The following DDX42 variants were observed in gnomAD, a reference collection of about 807,000 sequenced individuals.
The protein encoded by DDX42 is DEAD-box helicase 42, also known as ATP-dependent RNA helicase DDX42.
Under a neutral mutation model 101.5 loss-of-function variants are expected in DDX42, and 22 were observed. The ratio of observed to expected loss-of-function variants is 0.22; its 90% CI spans 0.15 to 0.31. The LOEUF is 0.31. DDX42 is among the 10% of genes least tolerant of loss of function. DDX42 has a pLI of 1.00. For missense variants in DDX42, 849 were observed against 1,199.9 expected (o/e 0.71, Z 4.32); for synonymous variants, 402 against 401.2 (o/e 1.00, Z -0.02).
Position 63,818,127 on chromosome 17 carries a change from G to A in DDX42, c.2546G>A (p.Ser849Asn). ...GGAGATGGATACCGCCATCCAGAAAGCAGCAGCCGTCATACTGATGGCCAT... is the reference window on the plus strand; with the variant it reads ...GGAGATGGATACCGCCATCCAGAAAACAGCAGCCGTCATACTGATGGCCAT... ...RHGDGYRHPE[S>N]SSRHTDGHRH... Residue 849 changes from serine (S) to asparagine (N), a missense_variant, in exon 18 of 18, where the codon AGC becomes AAC. Physicochemically the swap from Ser to Asn is conservative, Grantham distance 46 (BLOSUM62 1). Around this residue, in one of 5 missense-constraint regions of DDX42, gnomAD observed 300 missense variants for 304.9 expected, o/e 0.98. Coordinates refer to ENST00000389924, the MANE Select transcript of DDX42 (RefSeq NM_203499.3). 1.2e-6 allele frequency: 2 copies of A among 1,614,016 alleles called. No individual in the cohort carries two copies. Among genetic ancestry groups the A allele is most frequent in the Non-Finnish European group, 1.7e-6 (2 of 1,180,016 alleles).
chr17:63,777,932 C>T (rs73992389), intron 1 of DDX42, among the ~76,000 whole-genome samples: 6,367 of 152,138 alleles, frequency 0.042, 468 homozygotes, highest in African/African-American at 0.15. Flanking sequence ...AAACTGAGTA[C>T]GTGTGGAGAG....
intron 17 of DDX42, chr17:63,817,232 T>C (rs1354596767): frequency 4.7e-6 from 2 of 421,106 alleles, no homozygotes; most frequent in Admixed American, 4.1e-5. Flanking sequence ...TTCCCTCCCT[T>C]CCCAACAGCC....
At position 63,810,446 on chromosome 17, in the gene DDX42, T is replaced by G. The variant is rs539230019; in HGVS notation, c.1253-67T>G. ...CTTCTTATGAAGACTTTTACTAATA[T>G]GGCTTTTTCCAGGCTTCCCAAACTG... On this transcript the variant is annotated intron_variant, in intron 11 of 17. Coordinates refer to ENST00000389924, the MANE Select transcript of DDX42 (RefSeq NM_203499.3). 6 of 1,535,962 alleles carry G rather than the reference T, an allele frequency of 3.9e-6. No homozygotes were observed. The African/African-American group carries it at 5.5e-5, about 14-fold the overall frequency.
chr17:63,811,612 T>A, intron 13 of DDX42: 1 of 475,400 alleles, frequency 2.1e-6, no homozygotes, highest in Admixed American at 3.4e-5. Flanking sequence ...ATATGCGCTA[T>A]GTGAAAAATT....
intron 1 of DDX42, among the ~76,000 whole-genome samples, chr17:63,782,286 A>G (rs1057104923): frequency 6.6e-5 from 10 of 152,164 alleles, no homozygotes; most frequent in African/African-American, 2.4e-4. Flanking sequence ...CTTGGGGAGA[A>G]AAGAAAGAAT....
chr17:63,779,661 C>A (rs1181145535), intron 1 of DDX42, among the ~76,000 whole-genome samples: 1 of 152,138 alleles, frequency 6.6e-6, no homozygotes, highest in African/African-American at 2.4e-5. Context: ...AACAATAACA[C>A]CCTATTCTCC....
rs148993594 is a variant in DDX42, at chr17:63,817,978, G to C, written c.2397G>C (p.Gly799=). Residue 799 remains glycine, a synonymous_variant, in exon 18 of 18, where the codon GGG becomes GGC. Coordinates refer to ENST00000389924, the MANE Select transcript of DDX42 (RefSeq NM_203499.3). ...NTASGNNSRE[G]TGGSNGKRER... is the part of the protein sequence containing the mutation. The stretch of plus-strand genomic sequence containing the variant: ...CTTCAGGGAATAACAGCCGAGAAGG[G>C]ACTGGGGGCAGCAACGGGAAAAGAG... 2 of 1,614,198 alleles carry C rather than the reference G, an allele frequency of 1.2e-6. No homozygotes were observed. Among genetic ancestry groups the C allele is most frequent in the African/African-American group, 2.7e-5 (2 of 75,050 alleles).
intron 2 of DDX42, among the ~76,000 whole-genome samples, chr17:63,789,571 G>GTTT (rs538515067): frequency 2.2e-5 from 1 of 45,666 alleles, no homozygotes; most frequent in Admixed American, 2.3e-4. Flanking sequence ...TTTTGTTTTT[G>GTTT]TTTTTTTTTT....
At chr17:63,793,605 T>G (rs146924186) in intron 3 of DDX42, among the ~76,000 whole-genome samples, 4 of 152,152 alleles carry the variant, frequency 2.6e-5, no homozygotes, top group Admixed American at 2.6e-4. Context: ...CTCAGACATA[T>G]AATTTTATCC....
chr17:63,811,833 A>T lies in DDX42; in HGVS notation c.1399-99A>T. 2.0e-6 allele frequency: 3 copies of T among 1,488,750 alleles called. No homozygotes were observed. The South Asian group carries it at 3.6e-5, about 18-fold the overall frequency. The allele number at this position is 1,488,750 out of a possible 1,614,324, so 92.2% of individuals were successfully genotyped here. On this transcript the variant is annotated intron_variant, in intron 13 of 17. Transcript: ENST00000389924. Reference sequence around the variant, plus strand: ...GCCCAAGGAGAACTGGGATTGTTCAAGGTCTTCTCGATGCAGGTAGAAATA... The same window carrying T: ...GCCCAAGGAGAACTGGGATTGTTCATGGTCTTCTCGATGCAGGTAGAAATA...
rs2039454945 is a variant in DDX42 at position 63,778,998 on chromosome 17, TAAC to T, written c.-17+4625_-17+4627del. 2.0e-5 allele frequency among the ~76,000 whole-genome samples: 3 copies of T among 152,144 alleles called. No individual in the cohort carries two copies. The East Asian group carries it at 5.8e-4, about 29-fold the overall frequency. Reference sequence around the variant, plus strand: ...GATGTCCCTCATAGTACTGGGCACATAACAAAATCATCAGTGGTTATTGGTCAG... The same window carrying T: ...GATGTCCCTCATAGTACTGGGCACATAAAATCATCAGTGGTTATTGGTCAG... On this transcript the variant is annotated intron_variant, in intron 1 of 17. Transcript: ENST00000389924.
intron 16 of DDX42, chr17:63,816,656 T>C (rs536371540): frequency 4.8e-6 from 2 of 418,278 alleles, no homozygotes; most frequent in South Asian, 9.4e-5. Flanking sequence ...TTTAATAGGG[T>C]TAATTTCCAG....
At chr17:63,783,603 TG>T (rs1271460413) in intron 1 of DDX42, among the ~76,000 whole-genome samples, 2 of 152,310 alleles carry the variant, frequency 1.3e-5, no homozygotes, top group African/African-American at 4.8e-5. Flanking sequence ...AATCCCCTTA[TG>T]GGATTCCGAA....
In DDX42 at chr17:63,814,675, C is replaced by CTTTTTTTTT. The variant is rs58211962; in HGVS notation, c.1903-873_1903-865dup. On this transcript the variant is annotated intron_variant, in intron 15 of 17. Transcript: ENST00000389924. ...ACTTTAACCTTCCCAGAGACATTTGCTTTTTTTTTTTTTTTTTTTTTTTCT... is the reference window on the plus strand; with the variant it reads ...ACTTTAACCTTCCCAGAGACATTTGCTTTTTTTTTTTTTTTTTTTTTTTTTTTTTTTTCT... Among the ~76,000 whole-genome samples, 140 of 90,462 alleles carry CTTTTTTTTT rather than the reference C, an allele frequency of 1.5e-3. 1 individual carries two copies. Among genetic ancestry groups the CTTTTTTTTT allele is most frequent in the African/African-American group, 2.7e-3 (61 of 22,782 alleles). The allele number at this position is 90,462 out of a possible 152,430, so 59.3% of individuals were successfully genotyped here. A position where few individuals can be genotyped will look rare whatever the true frequency, so the allele number is the denominator to read the frequency against.
At chr17:63,797,957 A>G in intron 3 of DDX42, 81 bp from the exon 4 acceptor site, 10 of 1,313,154 alleles carry the variant, frequency 7.6e-6, no homozygotes, top group South Asian at 6.6e-5. Context: ...TAAAGCTATT[A>G]TGGCACTTGT....
intron 6 of DDX42, among the ~76,000 whole-genome samples, chr17:63,803,286 A>C (rs1245662002): frequency 6.6e-6 from 1 of 152,084 alleles, no homozygotes; most frequent in East Asian, 1.9e-4. Flanking sequence ...TTTTAGTGTA[A>C]AATAAAAAGT....
intron 14 of DDX42, 78 bp downstream of exon 14, chr17:63,812,286 A>C: frequency 6.6e-7 from 1 of 1,509,626 alleles, no homozygotes; most frequent in Non-Finnish European, 8.9e-7. Context: ...GACCTATAAT[A>C]TCTGAGCAGG....
In DDX42 at chr17:63,787,423, A is replaced by G. The variant is rs1157683810; in HGVS notation, c.221+153A>G. Among the ~76,000 whole-genome samples the G allele has an allele frequency of 1.3e-5, 2 of 152,172 alleles. 1 individual carries two copies. Among genetic ancestry groups the G allele is most frequent in the African/African-American group, 4.8e-5 (2 of 41,454 alleles). ...AATTCCATTGTTCCTAATAAGTTAA[A>G]TTATCAGGTTTACTCATTTGTAAGG... On this transcript the variant is annotated intron_variant, in intron 2 of 17. Transcript: ENST00000389924.
intron 6 of DDX42, 158 bp from the exon 7 acceptor site, chr17:63,804,913 T>G: frequency 1.2e-6 from 1 of 844,568 alleles, no homozygotes; most frequent in Non-Finnish European, 1.8e-6. Flanking sequence ...TAGCTATACT[T>G]TTTAGGATCT....
Sources: gnomAD v4.1 joint callset for allele counts (sites outside exome capture counted in the v4.1 genomes callset) on GRCh38, gnomAD v4.1.1 for gene constraint, gnomAD v4.1.1 regional missense constraint, MANE v1.5 for transcripts, NCBI Gene and HGNC (gene_info 2026-07-23, HGNC 2026-07-21) for gene names.